The following MAP4K5 variants were observed in gnomAD, a reference collection of about 807,000 sequenced individuals.
MAP4K5 encodes the protein mitogen-activated protein kinase kinase kinase kinase 5, also known as MAPK/ERK kinase kinase kinase 5.
Under a neutral mutation model 135.6 loss-of-function variants are expected in MAP4K5, and 82 were observed. That is an observed-to-expected ratio of 0.60 (90% CI 0.51 to 0.73). The LOEUF (loss-of-function observed/expected upper bound fraction) is 0.73, where lower values mean the gene tolerates loss of function less well. Among genes scored for constraint, MAP4K5 ranks in the 30% least tolerant of loss-of-function variants. MAP4K5 has a pLI of 0.00. For missense variants in MAP4K5, 907 were observed against 1,010.9 expected (o/e 0.90, Z 1.39); for synonymous variants, 347 against 335.0 (o/e 1.04, Z -0.39).
At chr14:50,432,556 C>CAAAAAAAA (rs56267301) in intron 28 of MAP4K5, among the ~76,000 whole-genome samples, 2 of 139,912 alleles carry the variant, frequency 1.4e-5, no homozygotes, top group African/African-American at 3.0e-5. Context: ...ACAAAACTCT[C>CAAAAAAAA]AAAAAAAAAA....
chr14:50,443,659 G>C (rs1343876068), intron 20 of MAP4K5, 70 bp downstream of exon 20: 2 of 1,290,306 alleles, frequency 1.6e-6, no homozygotes, highest in Admixed American at 2.8e-5. Flanking sequence ...CAAGTATATT[G>C]ATAGCCAATA....
At chr14:50,519,412 C>A (rs1191140468) in intron 2 of MAP4K5, among the ~76,000 whole-genome samples, 1 of 151,926 alleles carries the variant, frequency 6.6e-6, no homozygotes, top group Non-Finnish European at 1.5e-5. Context: ...CCCAGCACTT[C>A]GGGAGGTCAA....
chr14:50,555,821 C>G (rs913248215), intron 1 of MAP4K5, among the ~76,000 whole-genome samples: 11 of 152,012 alleles, frequency 7.2e-5, no homozygotes, highest in Non-Finnish European at 1.6e-4. Flanking sequence ...TTTGGTTAAG[C>G]CATTTTGTGT....
At chr14:50,426,554 G>C (rs2035851595) in intron 30 of MAP4K5, among the ~76,000 whole-genome samples, 1 of 152,044 alleles carries the variant, frequency 6.6e-6, no homozygotes, top group Non-Finnish European at 1.5e-5. Flanking sequence ...GTGAAACCCT[G>C]TCTCTACAAA....
At position 50,454,760 on chromosome 14, in the gene MAP4K5, C is replaced by T. The variant is rs1271798300; in HGVS notation, c.1015+1756G>A. Among the ~76,000 whole-genome samples the T allele has an allele frequency of 4.0e-5, 6 of 151,680 alleles. No homozygotes were observed. In the East Asian group the frequency reaches 5.8e-4, roughly 15 times the overall value. ...GAATATCATAAATATGTCAACTCTCCCAAAGTAATAAGATCTGTGTAAAAA... is the reference window on the plus strand; with the variant it reads ...GAATATCATAAATATGTCAACTCTCTCAAAGTAATAAGATCTGTGTAAAAA... On this transcript the variant is annotated intron_variant, in intron 14 of 32. Transcript: ENST00000682126.
intron 26 of MAP4K5, among the ~76,000 whole-genome samples, chr14:50,436,559 T>C (rs973603548): frequency 1.0e-4 from 15 of 148,652 alleles, no homozygotes; most frequent in Admixed American, 4.0e-4. Context: ...ATGCCAGAAA[T>C]ACAAAAAATG....
chr14:50,550,588 GTC>G (rs1420308430), intron 1 of MAP4K5, among the ~76,000 whole-genome samples: 28 of 152,226 alleles, frequency 1.8e-4, no homozygotes, highest in African/African-American at 6.5e-4. Flanking sequence ...ACTAGGGATT[GTC>G]TCTGCAGGAA....
At chr14:50,481,380 C>T (rs1258448121) in intron 6 of MAP4K5, among the ~76,000 whole-genome samples, 3 of 151,304 alleles carry the variant, frequency 2.0e-5, no homozygotes, top group African/African-American at 7.3e-5. Context: ...TCTTTTAAAG[C>T]ATGTGGGAAC....
At chr14:50,470,912 T>G (rs1372942527) in intron 9 of MAP4K5, among the ~76,000 whole-genome samples, 4 of 152,194 alleles carry the variant, frequency 2.6e-5, no homozygotes, top group African/African-American at 9.6e-5. Context: ...GATATGGAAT[T>G]ACTGAGAATA....
chr14:50,456,606 A>G lies in MAP4K5; in HGVS notation c.937-12T>C. 6.6e-7 allele frequency: 1 copy of G among 1,513,814 alleles called. No homozygotes were observed. The highest frequency in any genetic ancestry group is 2.4e-5 in the East Asian group (1 of 41,276). The allele number at this position is 1,513,814 out of a possible 1,614,324, so 93.8% of individuals were successfully genotyped here. On this transcript the variant is annotated splice_polypyrimidine_tract_variant and intron_variant, in intron 13 of 32. Transcript: ENST00000682126. Reference sequence around the variant, plus strand: ...ATGATTGCATGGGGCTGTGAATATAAGCATAATATATATACTTTAACAAAT... The same window carrying G: ...ATGATTGCATGGGGCTGTGAATATAGGCATAATATATATACTTTAACAAAT...
chr14:50,489,287 G>A (rs1327306755), intron 3 of MAP4K5, among the ~76,000 whole-genome samples: 1 of 152,158 alleles, frequency 6.6e-6, no homozygotes, highest in Non-Finnish European at 1.5e-5. Context: ...GTTTGAGGTT[G>A]CAGTGAGCTA....
chr14:50,428,599 A>G, intron 30 of MAP4K5, 63 bp downstream of exon 30: 1 of 935,608 alleles, frequency 1.1e-6, no homozygotes. Flanking sequence ...AACCCTAAGT[A>G]CAGAATGAAT....
chr14:50,432,951 C>G (rs1413869698), intron 28 of MAP4K5, among the ~76,000 whole-genome samples: 1 of 152,110 alleles, frequency 6.6e-6, no homozygotes, highest in Non-Finnish European at 1.5e-5. Context: ...GATTCTCCTG[C>G]CTCAGCCTCC....
chr14:50,474,421 C>A (rs542970058), intron 9 of MAP4K5, among the ~76,000 whole-genome samples: 1 of 151,840 alleles, frequency 6.6e-6, no homozygotes, highest in South Asian at 2.1e-4. Flanking sequence ...ACCTTTCACA[C>A]AAACTGCAAA....
intron 16 of MAP4K5, among the ~76,000 whole-genome samples, chr14:50,446,835 T>C (rs1285167602): frequency 1.3e-5 from 2 of 152,246 alleles, no homozygotes; most frequent in Admixed American, 6.5e-5. Context: ...CATAGTTATA[T>C]TCTAACAAAC....
chr14:50,431,405 C>G (rs545925606), intron 28 of MAP4K5, among the ~76,000 whole-genome samples: 2 of 152,236 alleles, frequency 1.3e-5, no homozygotes, highest in African/African-American at 4.8e-5. Context: ...CTCTCCCCTT[C>G]CCCCACCCCA....
intron 32 of MAP4K5, among the ~76,000 whole-genome samples, chr14:50,421,192 T>C (rs569207136): frequency 6.6e-6 from 1 of 152,278 alleles, no homozygotes; most frequent in South Asian, 2.1e-4. Flanking sequence ...ATTAAAATTT[T>C]GACATGCTTA....
At chr14:50,527,765 G>A (rs2038297943) in intron 2 of MAP4K5, among the ~76,000 whole-genome samples, 1 of 151,188 alleles carries the variant, frequency 6.6e-6, no homozygotes, top group Non-Finnish European at 1.5e-5. Context: ...ATAAAGCTTA[G>A]AAAAAAATTC....
rs2036189474 is a variant in MAP4K5 at position 50,440,012 on chromosome 14, C to T, written c.1705+1G>A. The T allele has an allele frequency of 6.5e-7, 1 of 1,542,558 alleles. No individual in the cohort carries two copies. The highest frequency in any genetic ancestry group is 1.9e-5 in the Admixed American group (1 of 52,596). Reference sequence around the variant, plus strand: ...TTTATTTTTCATCATCACATACATACCTGATAATGACATTAAAGTATTATT... The same window carrying T: ...TTTATTTTTCATCATCACATACATATCTGATAATGACATTAAAGTATTATT... On this transcript the variant is annotated splice_donor_variant, in intron 23 of 32. Coordinates refer to ENST00000682126, the MANE Select transcript of MAP4K5 (RefSeq NM_006575.6). LOFTEE classifies it high-confidence loss of function.
Sources: gnomAD v4.1 joint callset for allele counts (sites outside exome capture counted in the v4.1 genomes callset) on GRCh38, gnomAD v4.1.1 for gene constraint, MANE v1.5 for transcripts, NCBI Gene and HGNC (gene_info 2026-07-23, HGNC 2026-07-21) for gene names.